Variants in FABP6 observed in about 807,000 individuals in gnomAD.
The protein encoded by FABP6 is fatty acid binding protein 6.
FABP6 carries 13 observed loss-of-function variants against 14.9 expected under a neutral mutation model. The observed-to-expected ratio is 0.87, with a 90% CI of 0.57 to 1.39. The LOEUF is 1.39. FABP6 is among the 40% of genes most tolerant of loss of function. The pLI is 0.00. For missense variants in FABP6, 161 were observed against 167.2 expected, an observed-to-expected ratio of 0.96 and a Z score of 0.20; for synonymous variants, 75 against 63.6, an observed-to-expected ratio of 1.18 and a Z score of -0.85.
chr5:160,207,762 C>A (rs1666453081), intron 2 of FABP6, among the ~76,000 whole-genome samples: 1 of 147,826 alleles, frequency 6.8e-6, no homozygotes, highest in Admixed American at 6.9e-5. Context: ...TCGCTTTTGT[C>A]CCCCAGGCTG....
At position 160,229,538 on chromosome 5, in the gene FABP6, G is replaced by T; in HGVS notation, c.-20G>T. Reference sequence around the variant, plus strand: ...ATTCTCCTCATCCCTCTGCTCTCTGGCCTCCAGCCTCCCAGCAGCATGGCT... The same window carrying T: ...ATTCTCCTCATCCCTCTGCTCTCTGTCCTCCAGCCTCCCAGCAGCATGGCT... On this transcript the variant is annotated 5_prime_UTR_variant, in exon 1 of 4. Transcript: ENST00000402432. The T allele has an allele frequency of 6.2e-7, 1 of 1,613,834 alleles. No homozygotes were observed.
At chr5:160,211,592 G>A (rs948178218) in intron 2 of FABP6, among the ~76,000 whole-genome samples, 9 of 152,196 alleles carry the variant, frequency 5.9e-5, no homozygotes, top group African/African-American at 1.4e-4. Context: ...GTACTATAAG[G>A]ATGAAGGATT....
chr5:160,210,648 C>G (rs1227460075), intron 2 of FABP6, among the ~76,000 whole-genome samples: 1 of 152,190 alleles, frequency 6.6e-6, no homozygotes, highest in Non-Finnish European at 1.5e-5. Flanking sequence ...GAGCAGTGCA[C>G]CCCAGGGAGA....
rs563086341 is a variant in FABP6, at chr5:160,194,842, G to T, written c.-58-4207G>T. Among the ~76,000 whole-genome samples the T allele has an allele frequency of 1.5e-4, 23 of 152,174 alleles. No individual in the cohort carries two copies. In the South Asian group the frequency reaches 2.1e-3, roughly 14 times the overall value. ...TATACCTCCATATTCCCCACTCCCT[G>T]CCCACCCCATCAGTCTATTTGTTCC... On this transcript the variant is annotated intron_variant, in intron 1 of 6. Transcript: ENST00000393980.
chr5:160,195,376 C>T (rs571792530), intron 1 of FABP6, among the ~76,000 whole-genome samples: 32 of 151,986 alleles, frequency 2.1e-4, no homozygotes, highest in African/African-American at 7.0e-4. Flanking sequence ...GGTCACAGCC[C>T]GTTCTTAGTG....
chr5:160,219,686 G>C (rs568770436), intron 3 of FABP6, among the ~76,000 whole-genome samples: 1 of 26,482 alleles, frequency 3.8e-5, no homozygotes, highest in South Asian at 1.2e-3. Context: ...TAGCAACTAA[G>C]GAAAAAAACA....
At chr5:160,227,449 C>T (rs777945794), upstream of FABP6, among the ~76,000 whole-genome samples, 221 of 148,104 alleles carry the variant, frequency 1.5e-3, 1 homozygote, top group East Asian at 1.2e-3. Flanking sequence ...ATCGCTTAAA[C>T]CTGGGAGCGG....
In FABP6 at chr5:160,238,640, T is replaced by C. The variant is rs199503982; in HGVS notation, c.368T>C (p.Val123Ala). The stretch of plus-strand genomic sequence containing the variant: ...ATCGGAGGCGTGACCTATGAGCGCG[T>C]GAGCAAGAGACTGGCCTAAGCAGCC... Reference protein sequence around the residue: ...STIGGVTYERVSKRLA With the variant: ...STIGGVTYERASKRLA The change falls in exon 4 of 4, where the codon GTG becomes GCG. Residue 123 changes from valine (V) to alanine (A), a missense_variant. By Grantham distance (64) the Val-to-Ala change is moderately conservative. Transcript: ENST00000402432. The C allele has an allele frequency of 6.2e-7, 1 of 1,614,022 alleles. No individual in the cohort carries two copies. The highest frequency in any genetic ancestry group is 1.3e-5 in the African/African-American group (1 of 75,028).
intron 1 of FABP6, among the ~76,000 whole-genome samples, chr5:160,190,955 GA>G (rs35006979): frequency 5.8e-4 from 86 of 147,384 alleles, no homozygotes; most frequent in East Asian, 1.8e-3. Context: ...TACTAAACAT[GA>G]AAAAAAAAAA....
At chr5:160,227,525 CAAAA>C (rs10645896), upstream of FABP6, among the ~76,000 whole-genome samples, 1 of 99,498 alleles carries the variant, frequency 1.0e-5, no homozygotes, top group South Asian at 3.6e-4. Context: ...GACTTCACTT[CAAAA>C]AAAAAAAAAA....
chr5:160,189,158 T>G (rs1402061254), intron 1 of FABP6, among the ~76,000 whole-genome samples: 5 of 151,992 alleles, frequency 3.3e-5, no homozygotes, highest in African/African-American at 4.8e-5. Flanking sequence ...CATAAACGAG[T>G]GGGCATGATG....
chr5:160,222,540 G>T (rs1165869770), intron 3 of FABP6, among the ~76,000 whole-genome samples: 2 of 152,052 alleles, frequency 1.3e-5, no homozygotes, highest in South Asian at 2.1e-4. Context: ...CGCCATGTTG[G>T]CCAGGCTGGT....
At chr5:160,200,760 C>T (rs184561357) in intron 2 of FABP6, among the ~76,000 whole-genome samples, 11 of 152,310 alleles carry the variant, frequency 7.2e-5, no homozygotes, top group African/African-American at 2.6e-4. Context: ...CCAGCTGTCT[C>T]ATCTGTGTTC....
At chr5:160,195,281 C>T (rs1412413361) in intron 1 of FABP6, among the ~76,000 whole-genome samples, 2 of 64,142 alleles carry the variant, frequency 3.1e-5, no homozygotes, top group Admixed American at 2.2e-4. Flanking sequence ...GAGACTCTGT[C>T]TCAAAAAAAA....
intron 3 of FABP6, among the ~76,000 whole-genome samples, chr5:160,217,345 TA>T (rs1441001341): frequency 6.6e-6 from 1 of 152,168 alleles, no homozygotes; most frequent in Non-Finnish European, 1.5e-5. Context: ...AGATGATATT[TA>T]AAGCTATTGG....
rs552421374 is a variant in FABP6 at position 160,232,937 on chromosome 5, T to TA, written c.243+665dup. Among the ~76,000 whole-genome samples, 393 of 150,646 alleles carry TA rather than the reference T, an allele frequency of 2.6e-3. 2 individuals carry two copies. The highest frequency in any genetic ancestry group is 8.6e-3 in the African/African-American group (353 of 41,110). On this transcript the variant is annotated intron_variant, in intron 2 of 3. Transcript: ENST00000402432. ...AATAAAAATAAAAAAAACCTTGCCT[T>TA]AGTTACACAACAGGGGCAGGCCTTT...
chr5:160,198,969 G>T (rs544565176), intron 1 of FABP6: 2 of 864,022 alleles, frequency 2.3e-6, no homozygotes, highest in African/African-American at 3.3e-5. Flanking sequence ...TCAATAAAAT[G>T]GATTGAATAG....
intron 2 of FABP6, among the ~76,000 whole-genome samples, chr5:160,202,821 C>T (rs1423021269): frequency 6.6e-6 from 1 of 151,058 alleles, no homozygotes; most frequent in Non-Finnish European, 1.5e-5. Context: ...AAAATTTTAA[C>T]TGGCTTTTCT....
intron 3 of FABP6, among the ~76,000 whole-genome samples, chr5:160,223,155 A>G (rs1760164135): frequency 6.6e-6 from 1 of 152,134 alleles, no homozygotes; most frequent in African/African-American, 2.4e-5. Context: ...ATGTGGAACA[A>G]ATCTGTCAGC....
Sources: allele counts gnomAD v4.1 joint callset (sites outside exome capture counted in the v4.1 genomes callset), GRCh38; gene constraint gnomAD v4.1.1; transcripts MANE v1.5; gene names NCBI Gene and HGNC (gene_info 2026-07-23, HGNC 2026-07-21).